The following RUNX1 variants were observed in gnomAD, a reference collection of about 807,000 sequenced individuals.
The protein encoded by RUNX1 is RUNX family transcription factor 1, also known as runt-related transcription factor 1.
A neutral mutation model predicts 42.8 loss-of-function variants in RUNX1; 19 were observed. The ratio of observed to expected loss-of-function variants is 0.44; its 90% CI spans 0.31 to 0.65. RUNX1 has a LOEUF of 0.65. Among genes scored for constraint, RUNX1 ranks in the 30% least tolerant of loss-of-function variants. The probability of loss-of-function intolerance (pLI) is 0.07; values close to 1 mark genes in which losing one functional copy is unlikely to be tolerated. For missense variants in RUNX1, 528 were observed against 672.0 expected, an observed-to-expected ratio of 0.79 and a Z score of 2.37; for synonymous variants, 271 against 289.4, an observed-to-expected ratio of 0.94 and a Z score of 0.64.
chr21:34,901,459 G>C lies in RUNX1; in HGVS notation c.59-8496C>G, dbSNP rs558133144. Among the ~76,000 whole-genome samples, 1 of 152,154 alleles carries C rather than the reference G, an allele frequency of 6.6e-6. No individual in the cohort carries two copies. The highest frequency in any genetic ancestry group is 1.5e-5 in the Non-Finnish European group (1 of 68,042). On this transcript the variant is annotated intron_variant, in intron 2 of 8. Coordinates refer to ENST00000675419, the MANE Select transcript of RUNX1 (RefSeq NM_001754.5). This position sits in a 1 kb window ranked among gnomAD's most constrained non-coding sequence, Gnocchi z 4.3. The stretch of plus-strand genomic sequence containing the variant: ...ACTCGGAAGGCGGAGGTTGCAGTGA[G>C]CTGAGATGGCACCACTGCACTCCAA...
intron 2 of RUNX1, among the ~76,000 whole-genome samples, chr21:34,975,330 T>C (rs55857134): frequency 0.28 from 42,504 of 152,166 alleles, 6,487 homozygotes; most frequent in East Asian, 0.41. Flanking sequence ...TACGTATAGA[T>C]CTGTATATAT....
chr21:35,026,890 C>T (rs2059241330), intron 2 of RUNX1, among the ~76,000 whole-genome samples: 1 of 152,234 alleles, frequency 6.6e-6, no homozygotes. Context: ...CCTGCCCGCG[C>T]GTTATCAGCG....
At chr21:35,002,423 TTTA>T (rs869140491) in intron 2 of RUNX1, among the ~76,000 whole-genome samples, 156 of 147,762 alleles carry the variant, frequency 1.1e-3, no homozygotes, top group African/African-American at 2.4e-3. Context: ...TATTTATTTA[TTTA>T]TTATTTATTT....
At chr21:34,967,455 G>A (rs531186215) in intron 2 of RUNX1, among the ~76,000 whole-genome samples, 23 of 150,372 alleles carry the variant, frequency 1.5e-4, no homozygotes, top group Admixed American at 7.3e-4. Context: ...TCAGTGTCAC[G>A]GGGGAGGCTG....
intron 6 of RUNX1, among the ~76,000 whole-genome samples, chr21:34,848,997 A>C (rs902529013): frequency 6.6e-6 from 1 of 151,820 alleles, no homozygotes; most frequent in African/African-American, 2.4e-5. Flanking sequence ...GCCATGGTGA[A>C]CAAAAACAAA....
At chr21:34,890,555 G>T (rs1234611862) in intron 3 of RUNX1, among the ~76,000 whole-genome samples, 1 of 151,962 alleles carries the variant, frequency 6.6e-6, no homozygotes, top group Non-Finnish European at 1.5e-5. Context: ...CGGGCTTCCG[G>T]GGGGCTAAGG....
intron 6 of RUNX1, among the ~76,000 whole-genome samples, chr21:34,849,403 C>T (rs1374204065): frequency 7.1e-5 from 2 of 28,162 alleles, no homozygotes; most frequent in Non-Finnish European, 1.3e-4. Context: ...ATATATTATA[C>T]TATATATAAT....
At chr21:35,010,466 C>T (rs1022585025) in intron 2 of RUNX1, among the ~76,000 whole-genome samples, 6 of 152,230 alleles carry the variant, frequency 3.9e-5, no homozygotes, top group East Asian at 1.9e-4. Flanking sequence ...CCTTTGTTGA[C>T]GAGAATGTTT....
intron 2 of RUNX1, among the ~76,000 whole-genome samples, chr21:35,041,948 A>T (rs1446111039): frequency 1.3e-5 from 2 of 152,070 alleles, no homozygotes; most frequent in African/African-American, 4.8e-5. Context: ...AATTAAAACA[A>T]ATTTGGGAGG....
intron 7 of RUNX1, among the ~76,000 whole-genome samples, chr21:34,805,447 A>C (rs2056666361): frequency 6.6e-6 from 1 of 152,234 alleles, no homozygotes; most frequent in Non-Finnish European, 1.5e-5. Context: ...AACCAAAGAG[A>C]AGAGAAAATC....
chr21:34,913,986 C>T (rs146807447), intron 2 of RUNX1, among the ~76,000 whole-genome samples: 340 of 152,262 alleles, frequency 2.2e-3, no homozygotes, highest in African/African-American at 7.7e-3. Context: ...GCTCAGACTT[C>T]GAACATTCAG....
intron 6 of RUNX1, among the ~76,000 whole-genome samples, chr21:34,859,089 C>G (rs1459727947): frequency 6.6e-6 from 1 of 152,182 alleles, no homozygotes; most frequent in Non-Finnish European, 1.5e-5. Flanking sequence ...CCCTTGTGGT[C>G]CACTCTGACC....
intron 6 of RUNX1, among the ~76,000 whole-genome samples, chr21:34,848,652 C>T (rs2057350886): frequency 6.6e-6 from 1 of 152,192 alleles, no homozygotes; most frequent in South Asian, 2.1e-4. Context: ...CCAGGCTGGT[C>T]TCGAACTCCT....
intron 2 of RUNX1, among the ~76,000 whole-genome samples, chr21:35,040,770 CCAAAAAAA>C (rs2059352324): frequency 2.0e-5 from 1 of 50,988 alleles, no homozygotes; most frequent in African/African-American, 4.9e-5. Context: ...TAGACTCCAT[CCAAAAAAA>C]AAAAAAAAAA....
intron 5 of RUNX1, among the ~76,000 whole-genome samples, chr21:34,873,316 C>A (rs1439825526): frequency 6.6e-6 from 1 of 152,182 alleles, no homozygotes; most frequent in Non-Finnish European, 1.5e-5. Flanking sequence ...ATACACCACC[C>A]CAGAGTGCTG....
intron 3 of RUNX1, chr21:34,889,709 TG>T: frequency 8.4e-7 from 1 of 1,183,732 alleles, no homozygotes. Flanking sequence ...CGCTTCCCCC[TG>T]CGCCGGTCCC....
intron 5 of RUNX1, among the ~76,000 whole-genome samples, chr21:34,878,873 T>C (rs892437647): frequency 6.6e-6 from 1 of 152,210 alleles, no homozygotes; most frequent in Non-Finnish European, 1.5e-5. Flanking sequence ...TGTGGGAAAA[T>C]GTCACTGGCA....
At chr21:34,825,688 C>T (rs908941428) in intron 7 of RUNX1, among the ~76,000 whole-genome samples, 1 of 152,168 alleles carries the variant, frequency 6.6e-6, no homozygotes, top group Admixed American at 6.5e-5. Flanking sequence ...GCAGTTTGAA[C>T]GGTGGCTCCA....
intron 5 of RUNX1, among the ~76,000 whole-genome samples, chr21:34,876,761 C>T (rs1260151622): frequency 6.6e-6 from 1 of 152,220 alleles, no homozygotes; most frequent in Non-Finnish European, 1.5e-5. Flanking sequence ...AATGAAATTA[C>T]TAAAGCTGTA....
Sources: allele counts gnomAD v4.1 joint callset (sites outside exome capture counted in the v4.1 genomes callset), GRCh38; gene constraint gnomAD v4.1.1; non-coding constraint Gnocchi (gnomAD v3.1); transcripts MANE v1.5; gene names NCBI Gene and HGNC (gene_info 2026-07-23, HGNC 2026-07-21).